ANGPT1: variants seen among roughly 807,000 people sequenced by gnomAD.
ANGPT1 encodes angiopoietin-1.
Under a neutral mutation model 62.2 loss-of-function variants are expected in ANGPT1, and 17 were observed. That is an observed-to-expected ratio of 0.27 (90% CI 0.19 to 0.41). ANGPT1 has a LOEUF of 0.41. Among genes scored for constraint, ANGPT1 ranks in the 10% least tolerant of loss-of-function variants. The pLI is 1.00. For synonymous variants in ANGPT1, 199 were observed against 198.9 expected (o/e 1.00, Z 0.00); for missense variants, 478 against 594.9 (o/e 0.80, Z 2.04).
intron 1 of ANGPT1, among the ~76,000 whole-genome samples, chr8:107,462,030 C>G (rs1812084238): frequency 6.6e-6 from 1 of 151,948 alleles, no homozygotes; most frequent in Non-Finnish European, 1.5e-5. Flanking sequence ...AGTGCTTTGC[C>G]TTGGACTATA....
At chr8:107,418,111 A>G (rs186317240) in intron 1 of ANGPT1, among the ~76,000 whole-genome samples, 1 of 152,314 alleles carries the variant, frequency 6.6e-6, no homozygotes, top group East Asian at 1.9e-4. Context: ...TACATGAGAT[A>G]TATATAAACC....
chr8:107,256,905 G>A (rs1237849665), intron 8 of ANGPT1, among the ~76,000 whole-genome samples: 3 of 151,886 alleles, frequency 2.0e-5, no homozygotes, highest in African/African-American at 7.3e-5. Flanking sequence ...CACCCAGGCT[G>A]GAGTGCAGTG....
At chr8:107,300,008 G>A (rs542090594) in intron 5 of ANGPT1, among the ~76,000 whole-genome samples, 1 of 135,606 alleles carries the variant, frequency 7.4e-6, no homozygotes, top group South Asian at 2.3e-4. Flanking sequence ...TATATATCTA[G>A]ATATCTAGAT....
At chr8:107,379,367 C>G (rs1816591847) in intron 1 of ANGPT1, among the ~76,000 whole-genome samples, 2 of 152,106 alleles carry the variant, frequency 1.3e-5, no homozygotes, top group African/African-American at 4.8e-5. Context: ...ACTGGAAGTA[C>G]TTACTCCATA....
intron 1 of ANGPT1, among the ~76,000 whole-genome samples, chr8:107,351,912 T>C (rs1311634155): frequency 1.3e-5 from 2 of 152,190 alleles, no homozygotes; most frequent in Non-Finnish European, 2.9e-5. Flanking sequence ...CTTTTACAAA[T>C]ACGCAGTTCA....
chr8:107,460,978 C>T (rs1395995337), intron 1 of ANGPT1, among the ~76,000 whole-genome samples: 1 of 152,112 alleles, frequency 6.6e-6, no homozygotes, highest in East Asian at 1.9e-4. Flanking sequence ...TTGCCTGACT[C>T]TCCAAGGGTA....
At chr8:107,399,942 G>C (rs1056098071) in intron 1 of ANGPT1, among the ~76,000 whole-genome samples, 1 of 152,180 alleles carries the variant, frequency 6.6e-6, no homozygotes, top group African/African-American at 2.4e-5. Flanking sequence ...CAGCATGAAA[G>C]TATAAATTAG....
intron 4 of ANGPT1, among the ~76,000 whole-genome samples, chr8:107,312,434 TA>T (rs1353315242): frequency 6.6e-6 from 1 of 152,210 alleles, no homozygotes; most frequent in Non-Finnish European, 1.5e-5. Flanking sequence ...CAACAGCCAT[TA>T]AAAATGGAAT....
chr8:107,403,965 T>C (rs933876039), intron 1 of ANGPT1, among the ~76,000 whole-genome samples: 15 of 152,234 alleles, frequency 9.9e-5, no homozygotes, highest in Non-Finnish European at 1.5e-4. Context: ...AAAAATGTTT[T>C]GTTAAGAGAT....
intron 1 of ANGPT1, among the ~76,000 whole-genome samples, chr8:107,372,038 A>G (rs1266335194): frequency 6.6e-6 from 1 of 152,018 alleles, no homozygotes; most frequent in Non-Finnish European, 1.5e-5. Flanking sequence ...AATTACTAGA[A>G]AAAAAAATGT....
At chr8:107,465,802 G>A (rs1225046568) in intron 1 of ANGPT1, among the ~76,000 whole-genome samples, 1 of 152,090 alleles carries the variant, frequency 6.6e-6, no homozygotes, top group East Asian at 1.9e-4. Flanking sequence ...ACAATTTTGG[G>A]CAAGAGACCA....
intron 8 of ANGPT1, among the ~76,000 whole-genome samples, chr8:107,263,759 A>G (rs926810689): frequency 3.9e-5 from 6 of 152,204 alleles, no homozygotes; most frequent in Non-Finnish European, 1.5e-5. Context: ...ACTCTGGTAT[A>G]GCTGGTCTGA....
chr8:107,315,063 A>T (rs1465124535), intron 4 of ANGPT1, among the ~76,000 whole-genome samples: 1 of 152,194 alleles, frequency 6.6e-6, no homozygotes, highest in Non-Finnish European at 1.5e-5. Context: ...CTGAGAAGAA[A>T]GCAAATGCCT....
In ANGPT1 at chr8:107,317,634, A is replaced by T. The variant is rs748821824; in HGVS notation, c.808+4262T>A. On this transcript the variant is annotated intron_variant, in intron 4 of 8. Transcript: ENST00000517746. ...AACCAGTGAATTTATTTTTATTTTT[A>T]TTTTTTTTTTTTTTGAGACAGAGTC... Among the ~76,000 whole-genome samples the T allele has an allele frequency of 6.7e-3, 898 of 134,170 alleles. 15 individuals carry two copies. The highest frequency in any genetic ancestry group is 9.7e-3 in the Non-Finnish European group (598 of 61,880). 88.0% of individuals were successfully genotyped at this position (134,170 alleles called of 152,430 possible).
At chr8:107,339,166 C>T (rs1815641749) in intron 2 of ANGPT1, among the ~76,000 whole-genome samples, 1 of 152,174 alleles carries the variant, frequency 6.6e-6, no homozygotes, top group South Asian at 2.1e-4. Context: ...CCCAGTTTGT[C>T]TTCCTTCTCC....
intron 1 of ANGPT1, among the ~76,000 whole-genome samples, chr8:107,464,008 T>C (rs1368490): frequency 0.68 from 103,029 of 151,450 alleles, 35,193 homozygotes; most frequent in East Asian, 0.79. Flanking sequence ...ACTTAACATT[T>C]GCTTCAGTTT....
chr8:107,375,396 AT>A (rs1200291105), intron 1 of ANGPT1, among the ~76,000 whole-genome samples: 1 of 151,968 alleles, frequency 6.6e-6, no homozygotes, highest in East Asian at 1.9e-4. Context: ...CCAGGGGACA[AT>A]GGTCAAAAGA....
chr8:107,389,311 C>T (rs1470413117), intron 1 of ANGPT1, among the ~76,000 whole-genome samples: 1 of 152,152 alleles, frequency 6.6e-6, no homozygotes, highest in African/African-American at 2.4e-5. Flanking sequence ...GACTGCCCAG[C>T]AATAGTCCTT....
At chr8:107,256,738 C>G (rs1027244988) in intron 8 of ANGPT1, among the ~76,000 whole-genome samples, 1 of 152,074 alleles carries the variant, frequency 6.6e-6, no homozygotes, top group African/African-American at 2.4e-5. Context: ...CACTTCAAGC[C>G]TGAAAGAACT....
Sources: gnomAD v4.1 joint callset for allele counts (sites outside exome capture counted in the v4.1 genomes callset) on GRCh38, gnomAD v4.1.1 for gene constraint, MANE v1.5 for transcripts, NCBI Gene and HGNC (gene_info 2026-07-23, HGNC 2026-07-21) for gene names.